The following PPP1R21 variants were observed in gnomAD, a reference collection of about 807,000 sequenced individuals.
PPP1R21 encodes the protein protein phosphatase 1 regulatory subunit 21, also known as KLRAQ motif containing 1.
PPP1R21 carries 85 observed loss-of-function variants against 112.8 expected under a neutral mutation model. That is an observed-to-expected ratio of 0.75 (90% CI 0.63 to 0.90). The LOEUF (loss-of-function observed/expected upper bound fraction) is 0.90. PPP1R21 is among the 40% of genes least tolerant of loss of function. The pLI is 0.00. For synonymous variants in PPP1R21, 381 were observed against 322.3 expected, an observed-to-expected ratio of 1.18 and a Z score of -1.95; for missense variants, 1,199 against 901.5, an observed-to-expected ratio of 1.33 and a Z score of -4.23.
Position 48,486,751 on chromosome 2 carries a change from C to T in PPP1R21, c.1439C>T (p.Ala480Val), listed in dbSNP as rs1157101298. 1.9e-6 allele frequency: 3 copies of T among 1,611,790 alleles called. No individual in the cohort carries two copies. The highest frequency in any genetic ancestry group is 2.5e-6 in the Non-Finnish European group (3 of 1,179,138). ...TCAGTAGTGGCATTAACAAATGGAG[C>T]AGGAAAGGTAATTCTCTTCTGGCGT... The part of the protein sequence containing the change: ...LSSVVALTNG[A>V]GKIASFFSNN... Residue 480 changes from alanine to valine, a missense_variant, in exon 14 of 22, where the codon GCA becomes GTA. Transcript: ENST00000294952.
At chr2:48,489,653 T>G (rs945513895) in intron 14 of PPP1R21, among the ~76,000 whole-genome samples, 1 of 151,984 alleles carries the variant, frequency 6.6e-6, no homozygotes, top group Non-Finnish European at 1.5e-5. Flanking sequence ...CAAAGGATTC[T>G]TAAAGAAACT....
chr2:48,488,312 A>C (rs1426150034), intron 14 of PPP1R21, among the ~76,000 whole-genome samples: 1 of 152,166 alleles, frequency 6.6e-6, no homozygotes, highest in Non-Finnish European at 1.5e-5. Context: ...GATTCAGTTA[A>C]GAAAAATTCT....
chr2:48,476,278 A>G (rs1400944503), intron 12 of PPP1R21, among the ~76,000 whole-genome samples: 1 of 152,228 alleles, frequency 6.6e-6, no homozygotes, highest in Non-Finnish European at 1.5e-5. Context: ...TGTAGCATGT[A>G]TCAGTACTCA....
At chr2:48,478,464 A>G (rs1668854527) in intron 12 of PPP1R21, among the ~76,000 whole-genome samples, 2 of 152,200 alleles carry the variant, frequency 1.3e-5, no homozygotes, top group Non-Finnish European at 2.9e-5. Context: ...CCCTGAGATG[A>G]CGATGGTGGC....
chr2:48,465,928 G>A (rs1259581898), intron 9 of PPP1R21, among the ~76,000 whole-genome samples: 2 of 152,168 alleles, frequency 1.3e-5, no homozygotes, highest in Non-Finnish European at 2.9e-5. Flanking sequence ...AGGTTTATTA[G>A]ACTCCACATG....
chr2:48,459,672 C>A, intron 4 of PPP1R21, 82 bp from the exon 5 acceptor site: 1 of 1,460,678 alleles, frequency 6.8e-7, no homozygotes, highest in Non-Finnish European at 9.2e-7. Context: ...GGAAGTTGCT[C>A]AGTGAATAGT....
At chr2:48,494,769 G>C (rs1454016896) in intron 15 of PPP1R21, among the ~76,000 whole-genome samples, 1 of 152,104 alleles carries the variant, frequency 6.6e-6, no homozygotes, top group Non-Finnish European at 1.5e-5. Flanking sequence ...CCAGGCTGGA[G>C]TGCAGTGATG....
intron 12 of PPP1R21, among the ~76,000 whole-genome samples, chr2:48,479,216 C>T (rs1352432734): frequency 1.3e-5 from 2 of 152,212 alleles, no homozygotes; most frequent in Non-Finnish European, 2.9e-5. Flanking sequence ...GCTTCAGCAA[C>T]AGGTAGCTGG....
chr2:48,445,190 G>A (rs1182845421), intron 1 of PPP1R21, among the ~76,000 whole-genome samples: 1 of 134,990 alleles, frequency 7.4e-6, no homozygotes, highest in African/African-American at 2.8e-5. Context: ...CACTAGTAAA[G>A]TTGGGTTGGA....
rs767852456 is a variant in PPP1R21, at chr2:48,480,019, A to G, written c.1318+3A>G. ...TGGATTTCATGACGTTATGAAAGGT[A>G]GGCCTTGAAAAAGAACGTAAGCTTA... On this transcript the variant is annotated splice_donor_region_variant and intron_variant, in intron 13 of 21. Coordinates refer to ENST00000294952, the MANE Select transcript of PPP1R21 (RefSeq NM_001135629.3). 14 of 1,595,630 alleles carry G rather than the reference A, an allele frequency of 8.8e-6. No individual in the cohort carries two copies. Among genetic ancestry groups the G allele is most frequent in the Non-Finnish European group, 1.1e-5 (13 of 1,163,272 alleles).
At chr2:48,485,862 T>TTAACTAATATATACAATTGTATATAC (rs67954406) in intron 13 of PPP1R21, among the ~76,000 whole-genome samples, 51 of 137,798 alleles carry the variant, frequency 3.7e-4, no homozygotes, top group East Asian at 3.1e-3. Context: ...GTTGTATATA[T>TTAACTAATATATACAATTGTATATAC]TAACTAATAT....
chr2:48,456,182 G>A (rs1667718449), intron 3 of PPP1R21, among the ~76,000 whole-genome samples: 2 of 151,850 alleles, frequency 1.3e-5, no homozygotes, highest in Non-Finnish European at 2.9e-5. Context: ...TATATGGTGA[G>A]GTGGGATTCT....
At chr2:48,483,195 CTTTT>C (rs755036470) in intron 13 of PPP1R21, among the ~76,000 whole-genome samples, 23 of 80,912 alleles carry the variant, frequency 2.8e-4, no homozygotes, top group African/African-American at 1.1e-3. Context: ...CTTTTTTTTC[CTTTT>C]TTTTTTTTTT....
intron 2 of PPP1R21, among the ~76,000 whole-genome samples, chr2:48,451,383 G>A (rs1212202494): frequency 6.6e-6 from 1 of 152,190 alleles, no homozygotes; most frequent in Admixed American, 6.5e-5. Flanking sequence ...CTTATCAGTT[G>A]TCATCACAGA....
At chr2:48,487,462 C>T (rs1443592766) in intron 14 of PPP1R21, among the ~76,000 whole-genome samples, 3 of 152,070 alleles carry the variant, frequency 2.0e-5, no homozygotes, top group Non-Finnish European at 4.4e-5. Context: ...AGTGCAGTTT[C>T]TTTAAGAATC....
At chr2:48,458,050 A>G (rs1337373386) in intron 3 of PPP1R21, 76 bp from the exon 4 acceptor site, 2 of 927,302 alleles carry the variant, frequency 2.2e-6, no homozygotes, top group South Asian at 1.3e-5. Context: ...TTCTAAGATG[A>G]TAGAGAATCT....
intron 19 of PPP1R21, among the ~76,000 whole-genome samples, chr2:48,509,543 A>G (rs1353793622): frequency 2.6e-5 from 4 of 151,754 alleles, no homozygotes; most frequent in Admixed American, 2.6e-4. Context: ...CGTCTCTACT[A>G]AAAATACAAA....
chr2:48,445,152 T>G (rs1395205228), intron 1 of PPP1R21, among the ~76,000 whole-genome samples: 1 of 150,040 alleles, frequency 6.7e-6, no homozygotes, highest in Non-Finnish European at 1.5e-5. Flanking sequence ...TTTTTTTTTT[T>G]TTTTGACCCT....
Position 48,474,643 on chromosome 2 carries a change from G to A in PPP1R21, c.1089-40G>A, listed in dbSNP as rs552497931. 50 of 1,569,396 alleles carry A rather than the reference G, an allele frequency of 3.2e-5. No individual in the cohort carries two copies. In the Admixed American group the frequency reaches 5.6e-4, roughly 18 times the overall value. On this transcript the variant is annotated intron_variant, in intron 11 of 21. Transcript: ENST00000294952. Reference sequence around the variant, plus strand: ...GGCTGCTAGTAGCTAATTGAAAATCGTTTGGGATGCTCACTTCTTAAAAAT... The same window carrying A: ...GGCTGCTAGTAGCTAATTGAAAATCATTTGGGATGCTCACTTCTTAAAAAT...
Sources: gnomAD v4.1 joint callset for allele counts (sites outside exome capture counted in the v4.1 genomes callset) on GRCh38, gnomAD v4.1.1 for gene constraint, MANE v1.5 for transcripts, NCBI Gene and HGNC (gene_info 2026-07-23, HGNC 2026-07-21) for gene names.